Variants in CATSPERG observed in about 807,000 individuals in gnomAD.
CATSPERG encodes catsper channel auxiliary subunit gamma, also known as cation channel sperm-associated auxiliary subunit gamma.
Under a neutral mutation model 145.0 loss-of-function variants are expected in CATSPERG, and 115 were observed. The observed-to-expected ratio is 0.79, with a 90% CI of 0.68 to 0.93. The LOEUF is 0.93. Among genes scored for constraint, CATSPERG ranks in the 40% least tolerant of loss-of-function variants. CATSPERG has a pLI of 0.00. For synonymous variants in CATSPERG, 588 were observed against 589.0 expected (o/e 1.00, Z 0.02); for missense variants, 1,296 against 1,490.1 (o/e 0.87, Z 2.14).
chr19:38,367,864 C>T, intron 25 of CATSPERG, 88 bp downstream of exon 25: 1 of 1,324,914 alleles, frequency 7.5e-7, no homozygotes, highest in East Asian at 2.3e-5. Context: ...TCGCAAGCCC[C>T]CACCTCTGCG....
chr19:38,363,744 G>A (rs1402199564), intron 20 of CATSPERG, among the ~76,000 whole-genome samples: 2 of 152,002 alleles, frequency 1.3e-5, no homozygotes, highest in African/African-American at 4.8e-5. Context: ...AACCCTGAGT[G>A]GACACAGCAC....
chr19:38,365,697 C>T (rs1272780411), intron 22 of CATSPERG: 2 of 137,072 alleles, frequency 1.5e-5, no homozygotes, highest in Admixed American at 7.5e-5. Context: ...GCAACAGGGC[C>T]GTTTTTTTTT....
At chr19:38,341,137 G>C (rs948930465) in intron 3 of CATSPERG, among the ~76,000 whole-genome samples, 2 of 152,148 alleles carry the variant, frequency 1.3e-5, no homozygotes, top group Non-Finnish European at 2.9e-5. Context: ...AGAGGTCAGG[G>C]AAGTGATGGG....
In CATSPERG at chr19:38,367,696, G is replaced by A. The variant is rs1191377613; in HGVS notation, c.2850G>A (p.Val950=). 1.2e-6 allele frequency: 2 copies of A among 1,614,004 alleles called. No homozygotes were observed. Among genetic ancestry groups the A allele is most frequent in the Non-Finnish European group, 1.7e-6 (2 of 1,180,028 alleles). The change falls in exon 25 of 29, where the codon GTG becomes GTA. Residue 950 remains valine (V), a synonymous_variant. Coordinates refer to ENST00000409235, the MANE Select transcript of CATSPERG (RefSeq NM_021185.5). ...GSFQGSYVLL[V]VGGGPTLDSL... is the part of the protein sequence containing the mutation. ...TCCCTGGTAGCTATGTTCTGCTGGTGGTGGGTGGCGGGCCCACACTGGACA... is the reference window on the plus strand; with the variant it reads ...TCCCTGGTAGCTATGTTCTGCTGGTAGTGGGTGGCGGGCCCACACTGGACA...
intron 11 of CATSPERG, 125 bp downstream of exon 11, chr19:38,356,986 TGGTTG>T: frequency 4.8e-6 from 6 of 1,259,120 alleles, no homozygotes; most frequent in Non-Finnish European, 5.6e-6. Context: ...GTGTCACTCC[TGGTTG>T]AGGAGTAGCA....
Position 38,351,807 on chromosome 19 carries a change from G to A in CATSPERG, c.826-454G>A, listed in dbSNP as rs747345460. 1.2e-3 allele frequency among the ~76,000 whole-genome samples: 181 copies of A among 151,986 alleles called. 1 individual carries two copies. The highest frequency in any genetic ancestry group is 2.0e-3 in the Admixed American group (31 of 15,254). ...AGCACCTCTCTTGCCAGCTACTCGG[G>A]AGACTGAGGTGGGAGGATCGTTCGA... On this transcript the variant is annotated intron_variant, in intron 7 of 28. Coordinates refer to ENST00000409235, the MANE Select transcript of CATSPERG (RefSeq NM_021185.5).
chr19:38,367,909 C>A, intron 25 of CATSPERG, 133 bp downstream of exon 25: 1 of 1,151,256 alleles, frequency 8.7e-7, no homozygotes, highest in Non-Finnish European at 1.3e-6. Flanking sequence ...CTCTTAGGAT[C>A]TCACAGGCAA....
intron 17 of CATSPERG, 21 bp downstream of exon 17, chr19:38,361,882 G>C: frequency 2.5e-6 from 4 of 1,585,454 alleles, no homozygotes; most frequent in Non-Finnish European, 3.4e-6. Context: ...GGCGGCGGGC[G>C]GGCAGGCCTG....
rs553921783 is a variant in CATSPERG at position 38,343,593 on chromosome 19, T to A, written c.338T>A (p.Leu113Gln). The A allele has an allele frequency of 3.4e-5, 53 of 1,549,820 alleles. No homozygotes were observed. In the South Asian group the frequency reaches 6.1e-4, roughly 18 times the overall value. Reference protein sequence around the residue: ...YSCEEKPSEDLVRMGHLTGLK... With the variant: ...YSCEEKPSEDQVRMGHLTGLK... ...TCTCACCCTCAGCCCTCTGAGGACC[T>A]GGTGCGCATGGGCCACCTGACGGGG... is the stretch of plus-strand genomic sequence containing the variant. The change falls in exon 4 of 29, where the codon CTG (leucine) becomes CAG (glutamine). Residue 113 changes from leucine (L) to glutamine (Q), a missense_variant. Leu to Gln is a moderately radical substitution (Grantham distance 113). Coordinates refer to ENST00000409235, the MANE Select transcript of CATSPERG (RefSeq NM_021185.5).
chr19:38,360,583 CCTCT>C lies in CATSPERG; in HGVS notation c.1708_1711del (p.Leu570ThrfsTer8). The C allele has an allele frequency of 6.2e-7, 1 of 1,614,204 alleles. No individual in the cohort carries two copies. Among genetic ancestry groups the C allele is most frequent in the Non-Finnish European group, 8.5e-7 (1 of 1,180,034 alleles). On this transcript the variant is annotated frameshift_variant, in exon 15 of 29. Coordinates refer to ENST00000409235, the MANE Select transcript of CATSPERG (RefSeq NM_021185.5). LOFTEE classifies it high-confidence loss of function. ...ATCAGCTTAAAGCTGATGCAACAGTCCTCTCTCTACGCATCCAATGAGACCATGC... is the reference window on the plus strand; with the variant it reads ...ATCAGCTTAAAGCTGATGCAACAGTCCTCTACGCATCCAATGAGACCATGC...
In CATSPERG at chr19:38,359,551, G is replaced by A; in HGVS notation, c.1578G>A (p.Gly526=). The A allele has an allele frequency of 6.2e-7, 1 of 1,613,528 alleles. No homozygotes were observed. The change falls in exon 14 of 29, where the codon GGG becomes GGA. Residue 526 remains glycine, a synonymous_variant. Coordinates refer to ENST00000409235, the MANE Select transcript of CATSPERG (RefSeq NM_021185.5). ...AATACATGGCCAGATCGTTCCGTGG[G>A]GCTGTGGCTATTGTCACAGAGACGG... ...SIKYMARSFR[G]AVAIVTETEE...
At position 38,343,691 on chromosome 19, in the gene CATSPERG, A is replaced by T; in HGVS notation, c.436A>T (p.Ile146Phe). 6.4e-7 allele frequency: 1 copy of T among 1,551,198 alleles called. No homozygotes were observed. Among genetic ancestry groups the T allele is most frequent in the South Asian group, 1.2e-5 (1 of 84,054 alleles). The stretch of plus-strand genomic sequence containing the variant: ...CCGCTGGAAGATAGAGCAGCTGCAG[A>T]TCCAGATGGAGGCTGCCCCCTTCCG... ...FYRWKIEQLQIQMEAAPFRSK... is the reference protein window; with the variant it reads ...FYRWKIEQLQFQMEAAPFRSK... Residue 146 changes from isoleucine to phenylalanine, a missense_variant, in exon 4 of 29, where the codon ATC becomes TTC. Transcript: ENST00000409235.
At position 38,370,769 on chromosome 19, in the gene CATSPERG, G is replaced by T. The variant is rs145481167; in HGVS notation, c.3457G>T (p.Val1153Leu). The change falls in exon 29 of 29, where the codon GTG (valine) becomes TTG (leucine). Residue 1153 changes from valine to leucine, a missense_variant. Coordinates refer to ENST00000409235, the MANE Select transcript of CATSPERG (RefSeq NM_021185.5). ...TEDRAEPKEA[V>L]ERQLMT ...GGACAGGGCTGAACCCAAGGAAGCC[G>T]TGGAGAGACAGTTGATGACCTGAGT... is the stretch of plus-strand genomic sequence containing the variant. 4.3e-6 allele frequency: 7 copies of T among 1,613,972 alleles called. No homozygotes were observed. The Admixed American group carries it at 1.2e-4, about 27-fold the overall frequency.
Position 38,370,826 on chromosome 19 carries a change from A to T in CATSPERG, c.*34A>T. On this transcript the variant is annotated 3_prime_UTR_variant, in exon 29 of 29. Coordinates refer to ENST00000409235, the MANE Select transcript of CATSPERG (RefSeq NM_021185.5). ...CCTGCCCCAGCCCCCAGTTACTGTC[A>T]CGCCTCTCTTATGAGGCCCATCTTG... 6.2e-7 allele frequency: 1 copy of T among 1,605,190 alleles called. No homozygotes were observed. The highest frequency in any genetic ancestry group is 8.5e-7 in the Non-Finnish European group (1 of 1,173,866).
In CATSPERG at chr19:38,337,512, G is replaced by A; in HGVS notation, c.270+8G>A. 4 of 1,552,006 alleles carry A rather than the reference G, an allele frequency of 2.6e-6. No individual in the cohort carries two copies. The highest frequency in any genetic ancestry group is 1.7e-4 in the Middle Eastern group (1 of 5,994). On this transcript the variant is annotated splice_region_variant and intron_variant, in intron 2 of 28. Transcript: ENST00000409235. ...CCCATCGACCCGAGCGAGGTGAGGG[G>A]ACCAGGGTCAAGTGAACCAGAGGGA...
In CATSPERG at chr19:38,356,754, C is replaced by G; in HGVS notation, c.1208C>G (p.Ser403Cys). 6.2e-7 allele frequency: 1 copy of G among 1,614,120 alleles called. No homozygotes were observed. Reference protein sequence around the residue: ...VCEQIGVTTCSIIWSEYIAGE... With the variant: ...VCEQIGVTTCCIIWSEYIAGE... ...CTTTCCCTCTCAGTTACCACCTGCT[C>G]CATAATTTGGTCTGAATACATCGCG... The change falls in exon 11 of 29, where the codon TCC becomes TGC. Residue 403 changes from serine (S) to cysteine (C), a missense_variant. Physicochemically the swap from Ser to Cys is moderately radical, Grantham distance 112 (BLOSUM62 -1). Transcript: ENST00000409235.
intron 26 of CATSPERG, among the ~76,000 whole-genome samples, chr19:38,369,070 C>T (rs1332010272): frequency 1.3e-5 from 2 of 151,858 alleles, no homozygotes; most frequent in Non-Finnish European, 2.9e-5. Flanking sequence ...TAAATCAATT[C>T]GTGGCAGGCA....
intron 3 of CATSPERG, 61 bp downstream of exon 3, chr19:38,337,707 T>C: frequency 7.5e-7 from 1 of 1,340,562 alleles, no homozygotes; most frequent in Non-Finnish European, 1.0e-6. Flanking sequence ...ACCTCTAACA[T>C]TTTTATTTAT....
intron 8 of CATSPERG, among the ~76,000 whole-genome samples, chr19:38,354,141 A>T (rs1970202750): frequency 6.6e-6 from 1 of 152,248 alleles, no homozygotes; most frequent in African/African-American, 2.4e-5. Context: ...TGTTCCCAGC[A>T]GCTTTGCTTA....
Sources: allele counts gnomAD v4.1 joint callset (sites outside exome capture counted in the v4.1 genomes callset), GRCh38; gene constraint gnomAD v4.1.1; transcripts MANE v1.5; gene names NCBI Gene and HGNC (gene_info 2026-07-23, HGNC 2026-07-21).